Variants in GRM7 observed in about 807,000 individuals in gnomAD.
The protein encoded by GRM7 is glutamate metabotropic receptor 7.
Under a neutral mutation model 84.5 loss-of-function variants are expected in GRM7, and 35 were observed. The ratio of observed to expected loss-of-function variants is 0.41; its 90% CI spans 0.32 to 0.55. The LOEUF is 0.55. Ranked by LOEUF, GRM7 falls within the 20% of genes least tolerant of loss-of-function variation. The pLI is 0.19. For missense variants in GRM7, 1,003 were observed against 1,194.6 expected (o/e 0.84, Z 2.36); for synonymous variants, 487 against 455.1 (o/e 1.07, Z -0.89).
chr3:7,680,038 G>T lies in GRM7; in HGVS notation c.2452-11G>T, dbSNP rs745664982. The T allele has an allele frequency of 3.1e-6, 5 of 1,613,582 alleles. No homozygotes were observed. The South Asian group carries it at 3.3e-5, about 11-fold the overall frequency. ...TATTTGTAATAGTGCCTTGTGTGTT[G>T]TGTCTCCTAGCTCTACATACAAACT... On this transcript the variant is annotated splice_polypyrimidine_tract_variant and intron_variant, in intron 8 of 9. Coordinates refer to ENST00000357716, the MANE Select transcript of GRM7 (RefSeq NM_000844.4).
chr3:7,319,936 A>G (rs1700714519), intron 4 of GRM7, among the ~76,000 whole-genome samples: 1 of 152,202 alleles, frequency 6.6e-6, no homozygotes, highest in Non-Finnish European at 1.5e-5. Context: ...CAAGGTAACC[A>G]CTACACAAAT....
At chr3:7,396,714 C>A (rs1435592003) in intron 4 of GRM7, among the ~76,000 whole-genome samples, 1 of 152,112 alleles carries the variant, frequency 6.6e-6, no homozygotes, top group Non-Finnish European at 1.5e-5. Flanking sequence ...TGATCTGTTT[C>A]ATGAGGAATG....
At chr3:7,093,786 T>C (rs1173321375) in intron 1 of GRM7, among the ~76,000 whole-genome samples, 1 of 150,074 alleles carries the variant, frequency 6.7e-6, no homozygotes, top group Admixed American at 6.7e-5. Flanking sequence ...TAAACTTCAA[T>C]TGAATACTTA....
intron 2 of GRM7, among the ~76,000 whole-genome samples, chr3:7,281,082 G>A (rs972083797): frequency 3.3e-5 from 5 of 152,146 alleles, no homozygotes; most frequent in African/African-American, 1.2e-4. Context: ...GTTTTCTTAA[G>A]CTCTTTCTCC....
At chr3:7,219,204 A>G (rs1696715047) in intron 2 of GRM7, among the ~76,000 whole-genome samples, 2 of 152,002 alleles carry the variant, frequency 1.3e-5, no homozygotes, top group African/African-American at 2.4e-5. Flanking sequence ...GTCTTTCTAA[A>G]TCTAGATTTT....
intron 1 of GRM7, among the ~76,000 whole-genome samples, chr3:6,912,652 T>A (rs1184136888): frequency 6.6e-6 from 1 of 152,164 alleles, no homozygotes; most frequent in Non-Finnish European, 1.5e-5. Context: ...GTTAGAAAAT[T>A]TTAACTTTTA....
At chr3:6,913,055 A>C (rs926255870) in intron 1 of GRM7, among the ~76,000 whole-genome samples, 1 of 152,178 alleles carries the variant, frequency 6.6e-6, no homozygotes, top group Non-Finnish European at 1.5e-5. Context: ...CTTCTGGTAA[A>C]AATTCACTGA....
At chr3:7,349,691 A>T (rs899087898) in intron 4 of GRM7, among the ~76,000 whole-genome samples, 6 of 152,140 alleles carry the variant, frequency 3.9e-5, no homozygotes, top group African/African-American at 1.4e-4. Context: ...TTATTACATG[A>T]TATAAAGCAA....
At chr3:7,415,785 G>T (rs1696134434) in intron 5 of GRM7, among the ~76,000 whole-genome samples, 1 of 152,092 alleles carries the variant, frequency 6.6e-6, no homozygotes, top group African/African-American at 2.4e-5. Context: ...ATCTGGTGGT[G>T]AGCAAACTAA....
intron 7 of GRM7, among the ~76,000 whole-genome samples, chr3:7,577,093 A>G (rs561723671): frequency 1.3e-5 from 2 of 152,254 alleles, no homozygotes; most frequent in Non-Finnish European, 1.5e-5. Flanking sequence ...GAAAACAAAT[A>G]TTTTTATCCT....
chr3:7,593,024 T>A lies in GRM7; in HGVS notation c.2451+13667T>A, dbSNP rs114585562. ...GGGGCTCCCACACATAATTACACAA[T>A]AATGTAACAATATTCCATGCATGGA... is the stretch of plus-strand genomic sequence containing the variant. On this transcript the variant is annotated intron_variant, in intron 8 of 9. Coordinates refer to ENST00000357716, the MANE Select transcript of GRM7 (RefSeq NM_000844.4). Among the ~76,000 whole-genome samples, 128 of 152,298 alleles carry A rather than the reference T, an allele frequency of 8.4e-4. 2 individuals carry two copies. The highest frequency in any genetic ancestry group is 2.9e-3 in the African/African-American group (119 of 41,570).
At chr3:7,169,936 T>C (rs1247450523) in intron 2 of GRM7, among the ~76,000 whole-genome samples, 1 of 152,146 alleles carries the variant, frequency 6.6e-6, no homozygotes, top group African/African-American at 2.4e-5. Context: ...AGGACAATGG[T>C]TCTGAAACTT....
At chr3:7,160,611 A>T (rs1432341471) in intron 2 of GRM7, among the ~76,000 whole-genome samples, 2 of 151,976 alleles carry the variant, frequency 1.3e-5, no homozygotes, top group Non-Finnish European at 2.9e-5. Context: ...CCTTGCCTTC[A>T]CCTTGCTTAA....
chr3:7,594,983 G>A (rs1351214693), intron 8 of GRM7, among the ~76,000 whole-genome samples: 3 of 151,868 alleles, frequency 2.0e-5, no homozygotes, highest in Non-Finnish European at 4.4e-5. Flanking sequence ...TATTTCTGAG[G>A]CAATCCTCAT....
At chr3:7,446,050 C>T (rs1559327684) in intron 5 of GRM7, among the ~76,000 whole-genome samples, 1 of 152,162 alleles carries the variant, frequency 6.6e-6, no homozygotes, top group Non-Finnish European at 1.5e-5. Context: ...AAGCATTTAT[C>T]ACTTACAATA....
intron 5 of GRM7, among the ~76,000 whole-genome samples, chr3:7,431,860 G>A (rs986425557): frequency 2.0e-4 from 30 of 152,298 alleles, no homozygotes; most frequent in African/African-American, 6.3e-4. Context: ...TGTAGACTCC[G>A]TTGTAGAGAA....
rs1370048805 is a variant in GRM7 at position 6,861,172 on chromosome 3, C to A, written c.-217C>A. The A allele has an allele frequency of 1.8e-5, 8 of 438,364 alleles. No homozygotes were observed. The Admixed American group carries it at 3.0e-4, about 17-fold the overall frequency. 27.2% of individuals were successfully genotyped at this position (438,364 alleles called of 1,614,324 possible). ...GCCGGTGAGCGCGAGCGCGGCGCGC[C>A]GGCCGGCTAACCCGAGAGCGCGAGG... On this transcript the variant is annotated 5_prime_UTR_variant, in exon 1 of 10. Coordinates refer to ENST00000357716, the MANE Select transcript of GRM7 (RefSeq NM_000844.4). The surrounding 1 kb of genome is among the most constrained non-coding windows in gnomAD (Gnocchi z 6.4).
chr3:7,037,261 T>C (rs1323416173), intron 1 of GRM7, among the ~76,000 whole-genome samples: 2 of 152,200 alleles, frequency 1.3e-5, no homozygotes, highest in Non-Finnish European at 2.9e-5. Context: ...CACATTATAT[T>C]AGGCCAGTGC....
intron 5 of GRM7, among the ~76,000 whole-genome samples, chr3:7,436,026 T>C (rs1697043464): frequency 1.3e-5 from 2 of 151,916 alleles, no homozygotes; most frequent in South Asian, 4.2e-4. Flanking sequence ...TTTGTATTTT[T>C]AGTAGAGACG....
Sources: allele counts gnomAD v4.1 joint callset (sites outside exome capture counted in the v4.1 genomes callset), GRCh38; gene constraint gnomAD v4.1.1; non-coding constraint Gnocchi (gnomAD v3.1); transcripts MANE v1.5; gene names NCBI Gene and HGNC (gene_info 2026-07-23, HGNC 2026-07-21).